Variants in SIPA1L3 observed in about 807,000 individuals in gnomAD.
SIPA1L3 encodes the protein signal-induced proliferation-associated 1-like protein 3.
Under a neutral mutation model 150.1 loss-of-function variants are expected in SIPA1L3, and 59 were observed. The ratio of observed to expected loss-of-function variants is 0.39; its 90% CI spans 0.32 to 0.49. The LOEUF (loss-of-function observed/expected upper bound fraction) is 0.49. Among genes scored for constraint, SIPA1L3 ranks in the 20% least tolerant of loss-of-function variants. SIPA1L3 has a pLI of 0.86. For synonymous variants in SIPA1L3, 1,070 were observed against 1,077.6 expected (o/e 0.99, Z 0.14); for missense variants, 2,211 against 2,489.5 (o/e 0.89, Z 2.38).
chr19:38,057,703 G>C lies in SIPA1L3; in HGVS notation c.-310-23553G>C, dbSNP rs549467148. ...GCTCTGTCGCCCAGGCTGGAGTGCA[G>C]TGGCGCAATCTTGGCTCACTGCAAG... On this transcript the variant is annotated intron_variant, in intron 2 of 21. Coordinates refer to ENST00000222345, the MANE Select transcript of SIPA1L3 (RefSeq NM_015073.3). Among the ~76,000 whole-genome samples, 8 of 151,740 alleles carry C rather than the reference G, an allele frequency of 5.3e-5. No individual in the cohort carries two copies. In the South Asian group the frequency reaches 1.7e-3, roughly 32 times the overall value.
intron 2 of SIPA1L3, among the ~76,000 whole-genome samples, chr19:38,067,129 C>T (rs1285840787): frequency 1.3e-5 from 2 of 151,778 alleles, no homozygotes; most frequent in Non-Finnish European, 2.9e-5. Flanking sequence ...GTCCCAGTTA[C>T]TTGGGAGGCT....
intron 1 of SIPA1L3, among the ~76,000 whole-genome samples, chr19:37,928,017 T>C (rs547043413): frequency 6.6e-6 from 1 of 152,168 alleles, no homozygotes; most frequent in Non-Finnish European, 1.5e-5. Flanking sequence ...AGTGCTGCGA[T>C]GAACGTAGGA....
chr19:38,125,319 A>G (rs1342818472), intron 9 of SIPA1L3, among the ~76,000 whole-genome samples: 1 of 152,180 alleles, frequency 6.6e-6, no homozygotes, highest in African/African-American at 2.4e-5. Flanking sequence ...TACAGGCCTG[A>G]GCCACTGTGC....
Position 38,206,265 on chromosome 19 carries a change from G to T in SIPA1L3, c.*25G>T. The T allele has an allele frequency of 1.3e-6, 2 of 1,523,614 alleles. No homozygotes were observed. The highest frequency in any genetic ancestry group is 2.0e-5 in the Admixed American group (1 of 49,752). The allele number at this position is 1,523,614 out of a possible 1,614,324, so 94.4% of individuals were successfully genotyped here. A position where few individuals can be genotyped will look rare whatever the true frequency, so the allele number is the denominator to read the frequency against. On this transcript the variant is annotated 3_prime_UTR_variant, in exon 22 of 22. Coordinates refer to ENST00000222345, the MANE Select transcript of SIPA1L3 (RefSeq NM_015073.3). Reference sequence around the variant, plus strand: ...AGGTGGGAGGCCGCCGCCCGCCTTCGCTCCTTCCCCTCAGGCCGTGGCCCT... The same window carrying T: ...AGGTGGGAGGCCGCCGCCCGCCTTCTCTCCTTCCCCTCAGGCCGTGGCCCT...
intron 1 of SIPA1L3, among the ~76,000 whole-genome samples, chr19:37,971,955 T>C (rs1017734245): frequency 1.3e-5 from 2 of 152,180 alleles, no homozygotes; most frequent in Non-Finnish European, 2.9e-5. Flanking sequence ...GTTGTACAGA[T>C]AGACCACATT....
chr19:38,012,907 T>G, intron 1 of SIPA1L3, among the ~76,000 whole-genome samples: 1 of 152,162 alleles, frequency 6.6e-6, no homozygotes, highest in East Asian at 1.9e-4. Flanking sequence ...ATGAACTTGA[T>G]TCTTCTACCA....
intron 1 of SIPA1L3, among the ~76,000 whole-genome samples, chr19:37,975,498 G>A (rs1967053554): frequency 1.3e-5 from 2 of 152,234 alleles, no homozygotes; most frequent in South Asian, 4.1e-4. Context: ...CAGGCTCAGG[G>A]TCCCCATCTG....
intron 1 of SIPA1L3, among the ~76,000 whole-genome samples, chr19:38,009,128 G>A (rs1437471756): frequency 1.3e-5 from 2 of 151,840 alleles, no homozygotes; most frequent in Non-Finnish European, 2.9e-5. Flanking sequence ...TCCGCCTCCC[G>A]GGTTCAAGTG....
chr19:38,173,007 TTG>T (rs1170664916), intron 15 of SIPA1L3, among the ~76,000 whole-genome samples: 1 of 151,794 alleles, frequency 6.6e-6, no homozygotes, highest in East Asian at 1.9e-4. Flanking sequence ...GAGGCTGAGG[TTG>T]GAGGATTGCT....
At chr19:38,152,768 A>C in intron 12 of SIPA1L3, 72 bp from the exon 13 acceptor site, 1 of 1,504,340 alleles carries the variant, frequency 6.6e-7, no homozygotes, top group African/African-American at 1.4e-5. Context: ...AGCAAGGCTC[A>C]GGCTCAGGCT....
rs143159660 is a variant in SIPA1L3 at position 38,179,651 on chromosome 19, T to C, written c.4209-2868T>C. The stretch of plus-strand genomic sequence containing the variant: ...TTTATCATAAACATCCATATGTGTT[T>C]TAACCCAGCAGTATAGTATTGTCAT... On this transcript the variant is annotated intron_variant, in intron 15 of 21. Coordinates refer to ENST00000222345, the MANE Select transcript of SIPA1L3 (RefSeq NM_015073.3). 2.1e-3 allele frequency among the ~76,000 whole-genome samples: 327 copies of C among 152,304 alleles called. 2 individuals are homozygous for C. The highest frequency in any genetic ancestry group is 7.5e-3 in the African/African-American group (310 of 41,572).
At chr19:38,182,338 A>G (rs1027762830) in intron 15 of SIPA1L3, among the ~76,000 whole-genome samples, 181 bp from the exon 16 acceptor site, 1 of 152,096 alleles carries the variant, frequency 6.6e-6, no homozygotes, top group Non-Finnish European at 1.5e-5. Context: ...CTGTGCAGGC[A>G]GTCTTCCCTT....
chr19:38,110,051 C>T, intron 7 of SIPA1L3, 176 bp from the exon 8 acceptor site: 1 of 645,114 alleles, frequency 1.6e-6, no homozygotes, highest in East Asian at 2.6e-5. Flanking sequence ...TGTCCTTTAT[C>T]CTGAATGAGA....
At chr19:37,951,057 G>C (rs550084843) in intron 1 of SIPA1L3, among the ~76,000 whole-genome samples, 1 of 152,194 alleles carries the variant, frequency 6.6e-6, no homozygotes, top group East Asian at 1.9e-4. Context: ...CCTCCATCCC[G>C]TCCGTTCACT....
At chr19:38,064,196 G>A (rs1384470501) in intron 2 of SIPA1L3, among the ~76,000 whole-genome samples, 2 of 152,200 alleles carry the variant, frequency 1.3e-5, no homozygotes, top group Non-Finnish European at 2.9e-5. Flanking sequence ...CTTCAGGGGA[G>A]GTCACGACAG....
Position 38,110,347 on chromosome 19 carries a change from C to T in SIPA1L3, c.2254C>T (p.Arg752Ter), listed in dbSNP as rs770281578. 3.7e-6 allele frequency: 6 copies of T among 1,613,996 alleles called. No homozygotes were observed. The highest frequency in any genetic ancestry group is 3.4e-6 in the Non-Finnish European group (4 of 1,180,018). Residue 752 changes from arginine to a stop codon, truncating the protein, a stop_gained, in exon 8 of 22, where the codon CGA becomes TGA. Transcript: ENST00000222345. LOFTEE classifies it high-confidence loss of function. The part of the protein sequence containing the change: ...SHFQHVFIIV[R>*]VHNPCTDNVC... Reference sequence around the variant, plus strand: ...CTTCCAGCACGTCTTCATCATTGTCCGAGTCCACAACCCCTGCACTGATAA... The same window carrying T: ...CTTCCAGCACGTCTTCATCATTGTCTGAGTCCACAACCCCTGCACTGATAA...
At chr19:38,174,635 A>C (rs901128535) in intron 15 of SIPA1L3, among the ~76,000 whole-genome samples, 1 of 152,024 alleles carries the variant, frequency 6.6e-6, no homozygotes, top group African/African-American at 2.4e-5. Flanking sequence ...GGATCACCTG[A>C]GGTCAGGAGT....
At chr19:38,053,098 A>G (rs897822646) in intron 2 of SIPA1L3, among the ~76,000 whole-genome samples, 5 of 152,296 alleles carry the variant, frequency 3.3e-5, no homozygotes, top group Non-Finnish European at 7.4e-5. Flanking sequence ...TGTGGGTGGG[A>G]GCTGTGCTTT....
At chr19:38,183,590 C>T (rs1184745859) in intron 16 of SIPA1L3, among the ~76,000 whole-genome samples, 1 of 152,076 alleles carries the variant, frequency 6.6e-6, no homozygotes, top group Non-Finnish European at 1.5e-5. Flanking sequence ...GACATCCAGA[C>T]GGAGGCGTGA....
Sources: allele counts gnomAD v4.1 joint callset (sites outside exome capture counted in the v4.1 genomes callset), GRCh38; gene constraint gnomAD v4.1.1; transcripts MANE v1.5; gene names NCBI Gene and HGNC (gene_info 2026-07-23, HGNC 2026-07-21).